GDAP2: variants seen among roughly 807,000 people sequenced by gnomAD.
GDAP2 encodes the protein ganglioside induced differentiation associated protein 2.
A neutral mutation model predicts 67.0 loss-of-function variants in GDAP2; 51 were observed. The observed-to-expected ratio is 0.76, with a 90% CI of 0.61 to 0.96. The LOEUF (loss-of-function observed/expected upper bound fraction) is 0.96, where lower values mean the gene tolerates loss of function less well. GDAP2 is among the 40% of genes least tolerant of loss of function. The pLI, the probability that GDAP2 is intolerant of heterozygous loss-of-function variation, is 0.00. For synonymous variants in GDAP2, 203 were observed against 207.3 expected, an observed-to-expected ratio of 0.98 and a Z score of 0.18; for missense variants, 547 against 588.3, an observed-to-expected ratio of 0.93 and a Z score of 0.73.
intron 13 of GDAP2, among the ~76,000 whole-genome samples, chr1:117,875,374 G>T (rs929583520): frequency 6.6e-6 from 1 of 152,220 alleles, no homozygotes; most frequent in Non-Finnish European, 1.5e-5. Context: ...CTTCCATGTG[G>T]TGTTAAGTCT....
chr1:117,911,844 C>T, intron 5 of GDAP2, 150 bp downstream of exon 5: 2 of 545,712 alleles, frequency 3.7e-6, no homozygotes, highest in Admixed American at 3.0e-5. Context: ...GATGCAATCA[C>T]AGCTCACTGC....
chr1:117,898,922 TA>T, intron 7 of GDAP2, 134 bp downstream of exon 7: 1 of 681,042 alleles, frequency 1.5e-6, no homozygotes, highest in Non-Finnish European at 2.6e-6. Context: ...TGAAAACTTC[TA>T]AACTGGTCTT....
At chr1:117,927,345 T>A (rs899865483) in intron 1 of GDAP2, among the ~76,000 whole-genome samples, 1 of 152,146 alleles carries the variant, frequency 6.6e-6, no homozygotes, top group Non-Finnish European at 1.5e-5. Context: ...AAATTGGGCA[T>A]AATACCTTGG....
At chr1:117,905,819 T>C (rs1649634030) in intron 6 of GDAP2, among the ~76,000 whole-genome samples, 1 of 152,180 alleles carries the variant, frequency 6.6e-6, no homozygotes, top group East Asian at 1.9e-4. Context: ...TATATGTAGC[T>C]ATATATGCCT....
rs1189320311 is a variant in GDAP2 at position 117,864,613 on chromosome 1, T to A, written c.*5956A>T. ...GCTTGTGTTAACCCATAAACTTGTT[T>A]TGGTTTTATACTTGTGCAAGACATA... On this transcript the variant is annotated 3_prime_UTR_variant, in exon 14 of 14. Coordinates refer to ENST00000369443, the MANE Select transcript of GDAP2 (RefSeq NM_017686.4). 2 of 152,206 alleles carry A rather than the reference T, an allele frequency of 1.3e-5. No individual in the cohort carries two copies. The highest frequency in any genetic ancestry group is 1.3e-4 in the Admixed American group (2 of 15,280). 9.4% of individuals were successfully genotyped at this position (152,206 alleles called of 1,614,324 possible).
chr1:117,908,638 T>C (rs1458791148), intron 5 of GDAP2, among the ~76,000 whole-genome samples: 2 of 151,950 alleles, frequency 1.3e-5, no homozygotes, highest in African/African-American at 4.8e-5. Context: ...TTGGGCAACA[T>C]AGCGAGACCC....
chr1:117,922,544 T>C (rs1047848642), intron 1 of GDAP2, among the ~76,000 whole-genome samples: 4 of 152,054 alleles, frequency 2.6e-5, no homozygotes, highest in African/African-American at 9.7e-5. Flanking sequence ...GTCTGAGAAA[T>C]AAAGGGAAAG....
chr1:117,916,403 G>C (rs2101160610), intron 3 of GDAP2, among the ~76,000 whole-genome samples: 1 of 152,300 alleles, frequency 6.6e-6, no homozygotes, highest in East Asian at 1.9e-4. Flanking sequence ...AAGTGAGTAA[G>C]ATCTTGCAAG....
intron 5 of GDAP2, among the ~76,000 whole-genome samples, chr1:117,909,658 A>G (rs1174138002): frequency 6.6e-6 from 1 of 152,188 alleles, no homozygotes; most frequent in Non-Finnish European, 1.5e-5. Flanking sequence ...TTTAAGGCCT[A>G]ATAAGTCAAA....
rs115363115 is a variant in GDAP2, at chr1:117,896,407, G to A, written c.953+426C>T. 4.6e-3 allele frequency among the ~76,000 whole-genome samples: 696 copies of A among 152,326 alleles called. 2 individuals carry two copies. The highest frequency in any genetic ancestry group is 7.2e-3 in the Non-Finnish European group (493 of 68,038). ...TGGAATGGTTTGGATGTCTTGTAAG[G>A]TCCTTCGGATAAGTCAGGGAGAAAT... On this transcript the variant is annotated intron_variant, in intron 8 of 13. Transcript: ENST00000369443.
rs1648063179 is a variant in GDAP2, at chr1:117,866,449, A to G, written c.*4120T>C. 1 of 152,226 alleles carries G rather than the reference A, an allele frequency of 6.6e-6. No homozygotes were observed. Among genetic ancestry groups the G allele is most frequent in the Non-Finnish European group, 1.5e-5 (1 of 68,040 alleles). 9.4% of individuals were successfully genotyped at this position (152,226 alleles called of 1,614,324 possible). ...AGGTAAAGCCCTCCTTTCATTCTTC[A>G]TGGTCTTTTTGCAAAACAAGAGTTA... On this transcript the variant is annotated 3_prime_UTR_variant, in exon 14 of 14. Coordinates refer to ENST00000369443, the MANE Select transcript of GDAP2 (RefSeq NM_017686.4).
intron 3 of GDAP2, among the ~76,000 whole-genome samples, chr1:117,913,006 A>T (rs979426474): frequency 9.9e-5 from 15 of 152,196 alleles, no homozygotes; most frequent in Admixed American, 2.6e-4. Flanking sequence ...TGCAGAAATG[A>T]GATAACTAAT....
intron 11 of GDAP2, among the ~76,000 whole-genome samples, chr1:117,882,563 C>CG (rs1352497553): frequency 6.6e-6 from 1 of 151,992 alleles, no homozygotes; most frequent in Admixed American, 6.6e-5. Flanking sequence ...CATTGGGTCA[C>CG]GTGAAGTTAA....
chr1:117,919,190 C>T (rs547575216), intron 2 of GDAP2, among the ~76,000 whole-genome samples: 8 of 152,032 alleles, frequency 5.3e-5, no homozygotes, highest in South Asian at 2.1e-4. Context: ...CTGGCTGACA[C>T]GGTGAAACCC....
intron 13 of GDAP2, among the ~76,000 whole-genome samples, chr1:117,872,987 T>C: frequency 6.6e-6 from 1 of 152,212 alleles, no homozygotes; most frequent in East Asian, 1.9e-4. Context: ...ATCTGAAAAG[T>C]TCACTATCTG....
intron 2 of GDAP2, 93 bp downstream of exon 2, chr1:117,920,089 G>A (rs1368365722): frequency 1.4e-6 from 1 of 708,122 alleles, no homozygotes; most frequent in Admixed American, 2.4e-5. Context: ...ACGCAAAGCT[G>A]TATTTCAACA....
intron 8 of GDAP2, among the ~76,000 whole-genome samples, chr1:117,889,824 G>A (rs73011984): frequency 0.025 from 3,795 of 151,916 alleles, 156 homozygotes; most frequent in African/African-American, 0.087. Flanking sequence ...TACATCATAT[G>A]GGCACCACAG....
intron 13 of GDAP2, among the ~76,000 whole-genome samples, chr1:117,876,756 G>A (rs929623031): frequency 5.9e-5 from 9 of 152,134 alleles, no homozygotes; most frequent in African/African-American, 2.2e-4. Flanking sequence ...CTGCTTTATA[G>A]GCCCTTAAGT....
intron 6 of GDAP2, among the ~76,000 whole-genome samples, chr1:117,903,743 T>C (rs1404097977): frequency 6.6e-6 from 1 of 152,192 alleles, no homozygotes; most frequent in Non-Finnish European, 1.5e-5. Flanking sequence ...TATTTTTAAC[T>C]TTACTGGACA....
Sources: allele counts gnomAD v4.1 joint callset (sites outside exome capture counted in the v4.1 genomes callset), GRCh38; gene constraint gnomAD v4.1.1; transcripts MANE v1.5; gene names NCBI Gene and HGNC (gene_info 2026-07-23, HGNC 2026-07-21).